Variants in ADAMTS6 observed in about 807,000 individuals in gnomAD.
ADAMTS6 encodes the protein A disintegrin and metalloproteinase with thrombospondin motifs 6.
A neutral mutation model predicts 144.3 loss-of-function variants in ADAMTS6; 23 were observed. That is an observed-to-expected ratio of 0.16 (90% CI 0.11 to 0.23). ADAMTS6 has a LOEUF of 0.23. Among genes scored for constraint, ADAMTS6 ranks in the 10% least tolerant of loss-of-function variants. ADAMTS6 has a pLI of 1.00. For missense variants in ADAMTS6, 999 were observed against 1,379.6 expected (o/e 0.72, Z 4.37); for synonymous variants, 444 against 457.5 (o/e 0.97, Z 0.38).
chr5:65,290,550 C>A (rs200856460), intron 11 of ADAMTS6, among the ~76,000 whole-genome samples: 5 of 148,476 alleles, frequency 3.4e-5, no homozygotes, highest in African/African-American at 5.0e-5. Context: ...GACTCTGTCT[C>A]AAAAAAAAGA....
intron 7 of ADAMTS6, among the ~76,000 whole-genome samples, chr5:65,419,620 T>C (rs934192824): frequency 6.6e-6 from 1 of 152,044 alleles, no homozygotes; most frequent in Non-Finnish European, 1.5e-5. Flanking sequence ...TAAAATAAAA[T>C]GTGGTATATC....
chr5:65,239,579 A>C (rs1009018781), intron 15 of ADAMTS6, among the ~76,000 whole-genome samples: 5 of 152,154 alleles, frequency 3.3e-5, no homozygotes, highest in African/African-American at 1.2e-4. Context: ...AAAAATTAAA[A>C]GCTTATATGG....
chr5:65,198,040 T>A (rs1220774357), intron 20 of ADAMTS6, among the ~76,000 whole-genome samples: 1 of 152,204 alleles, frequency 6.6e-6, no homozygotes, highest in Admixed American at 6.5e-5. Context: ...ATTTTCTCTT[T>A]AGTGTCAAGG....
intron 10 of ADAMTS6, among the ~76,000 whole-genome samples, chr5:65,292,939 T>A (rs182023606): frequency 2.6e-5 from 4 of 152,144 alleles, no homozygotes; most frequent in Non-Finnish European, 5.9e-5. Flanking sequence ...ATTATACTTT[T>A]AGAAATTGAC....
rs887482701 is a variant in ADAMTS6 at position 65,460,080 on chromosome 5, T to C, written c.631+90A>G. On this transcript the variant is annotated intron_variant, in intron 4 of 24. Coordinates refer to ENST00000381055, the MANE Select transcript of ADAMTS6 (RefSeq NM_197941.4). The stretch of plus-strand genomic sequence containing the variant: ...TAATTGTAGTCAAACTCCTACTTCC[T>C]TTTATTGCTAACCTTACTATACTTG... 3 of 1,401,710 alleles carry C rather than the reference T, an allele frequency of 2.1e-6. No homozygotes were observed. In the African/African-American group the frequency reaches 4.4e-5, roughly 20 times the overall value. 86.8% of individuals were successfully genotyped at this position (1,401,710 alleles called of 1,614,324 possible).
intron 13 of ADAMTS6, among the ~76,000 whole-genome samples, chr5:65,262,202 G>A (rs1480049154): frequency 6.6e-6 from 1 of 152,214 alleles, no homozygotes; most frequent in Non-Finnish European, 1.5e-5. Flanking sequence ...GTGCCAGGGG[G>A]ACTCTGGCTG....
At chr5:65,168,266 AGT>A (rs1223408385) in intron 24 of ADAMTS6, among the ~76,000 whole-genome samples, 7 of 151,508 alleles carry the variant, frequency 4.6e-5, no homozygotes, top group Non-Finnish European at 7.4e-5. Context: ...CCAAATCATG[AGT>A]GAACTCCCAT....
At chr5:65,235,141 C>T (rs1392238437) in intron 15 of ADAMTS6, among the ~76,000 whole-genome samples, 1 of 152,010 alleles carries the variant, frequency 6.6e-6, no homozygotes, top group African/African-American at 2.4e-5. Flanking sequence ...TTCTAGAGAT[C>T]TAATATAGTA....
At chr5:65,180,091 C>T (rs1211872892) in intron 22 of ADAMTS6, among the ~76,000 whole-genome samples, 2 of 152,022 alleles carry the variant, frequency 1.3e-5, no homozygotes, top group South Asian at 2.1e-4. Flanking sequence ...TCAAGATGTA[C>T]TAGTTGTGGA....
intron 18 of ADAMTS6, among the ~76,000 whole-genome samples, chr5:65,223,434 A>G (rs1386207658): frequency 6.6e-6 from 1 of 152,206 alleles, no homozygotes; most frequent in East Asian, 1.9e-4. Flanking sequence ...TATTCCTCTT[A>G]TAACTGAAAG....
intron 7 of ADAMTS6, among the ~76,000 whole-genome samples, chr5:65,449,936 G>T (rs572808275): frequency 3.3e-4 from 50 of 152,226 alleles, no homozygotes; most frequent in Non-Finnish European, 5.4e-4. Flanking sequence ...AGTATTGGGA[G>T]CCCACTGTGC....
chr5:65,333,997 T>TAAAAAAAAAAAAA (rs750637450), intron 8 of ADAMTS6, 45 bp downstream of exon 8: 354 of 842,224 alleles, frequency 4.2e-4, no homozygotes, highest in East Asian at 6.1e-4. Context: ...CTACCTTTAT[T>TAAAAAAAAAAAAA]AAAAAAAAAA....
At chr5:65,231,527 T>C (rs1333317469) in intron 15 of ADAMTS6, among the ~76,000 whole-genome samples, 2 of 151,968 alleles carry the variant, frequency 1.3e-5, no homozygotes, top group African/African-American at 4.8e-5. Context: ...TTAGAGCAAA[T>C]AGAATAAATA....
At position 65,336,422 on chromosome 5, in the gene ADAMTS6, G is replaced by A. The variant is rs574821682; in HGVS notation, c.1074-2337C>T. 4.6e-5 allele frequency among the ~76,000 whole-genome samples: 7 copies of A among 152,118 alleles called. No homozygotes were observed. The South Asian group carries it at 1.5e-3, about 32-fold the overall frequency. ...AGTGGTGCTCCAGATCTGTAGATTG[G>A]CCAAAATATTTCAGAAGCACTGCCC... On this transcript the variant is annotated intron_variant, in intron 7 of 24. Coordinates refer to ENST00000381055, the MANE Select transcript of ADAMTS6 (RefSeq NM_197941.4).
At chr5:65,341,731 A>ACC (rs1196736584) in intron 7 of ADAMTS6, among the ~76,000 whole-genome samples, 1 of 152,162 alleles carries the variant, frequency 6.6e-6, no homozygotes, top group African/African-American at 2.4e-5. Context: ...GTCCAAGACC[A>ACC]GGTGACTTCA....
intron 10 of ADAMTS6, among the ~76,000 whole-genome samples, chr5:65,296,293 A>G (rs755301331): frequency 3.3e-5 from 5 of 152,160 alleles, no homozygotes; most frequent in African/African-American, 7.2e-5. Flanking sequence ...CTTACGTACT[A>G]TAGTCTCATA....
intron 11 of ADAMTS6, among the ~76,000 whole-genome samples, chr5:65,283,458 AAAAAG>A (rs760296547): frequency 1.2e-4 from 18 of 152,226 alleles, no homozygotes; most frequent in Admixed American, 2.0e-4. Flanking sequence ...AATGGTTAAA[AAAAAG>A]AAAAGAAAAG....
At chr5:65,350,275 T>C (rs1748733321) in intron 7 of ADAMTS6, among the ~76,000 whole-genome samples, 1 of 152,240 alleles carries the variant, frequency 6.6e-6, no homozygotes, top group Non-Finnish European at 1.5e-5. Context: ...TGTCTGACCT[T>C]CAGTGAAGAT....
At position 65,214,635 on chromosome 5, in the gene ADAMTS6, A is replaced by G; in HGVS notation, c.2575+159T>C. On this transcript the variant is annotated intron_variant, in intron 20 of 24. Transcript: ENST00000381055. This position sits in a 1 kb window ranked among gnomAD's most constrained non-coding sequence, Gnocchi z 4.6. Reference sequence around the variant, plus strand: ...ATGAGGTTGAAAACAAATGGAATATAATATAATTAAAGCAAAGTTTCTTTT... The same window carrying G: ...ATGAGGTTGAAAACAAATGGAATATGATATAATTAAAGCAAAGTTTCTTTT... 1.0e-6 allele frequency: 1 copy of G among 979,256 alleles called. No individual in the cohort carries two copies. The highest frequency in any genetic ancestry group is 1.6e-5 in the African/African-American group (1 of 61,328). 60.7% of individuals were successfully genotyped at this position (979,256 alleles called of 1,614,324 possible).
Sources: gnomAD v4.1 joint callset for allele counts (sites outside exome capture counted in the v4.1 genomes callset) on GRCh38, gnomAD v4.1.1 for gene constraint, Gnocchi (gnomAD v3.1) non-coding constraint, MANE v1.5 for transcripts, NCBI Gene and HGNC (gene_info 2026-07-23, HGNC 2026-07-21) for gene names.